Variants in NPTN observed in about 807,000 individuals in gnomAD.
NPTN encodes the protein neuroplastin.
In NPTN, 5 loss-of-function variants were observed where a neutral mutation model predicts 42.7. That is an observed-to-expected ratio of 0.12 (90% CI 0.06 to 0.25). The LOEUF (loss-of-function observed/expected upper bound fraction) is 0.25, where lower values mean the gene tolerates loss of function less well. Ranked by LOEUF, NPTN falls within the 10% of genes least tolerant of loss-of-function variation. The pLI, the probability that NPTN is intolerant of heterozygous loss-of-function variation, is 1.00. For synonymous variants in NPTN, 180 were observed against 201.9 expected, an observed-to-expected ratio of 0.89 and a Z score of 0.92; for missense variants, 307 against 525.4, an observed-to-expected ratio of 0.58 and a Z score of 4.06.
At chr15:73,586,802 T>C (rs930948367) in intron 4 of NPTN, among the ~76,000 whole-genome samples, 19 of 152,258 alleles carry the variant, frequency 1.2e-4, no homozygotes, top group East Asian at 5.8e-4. Flanking sequence ...AGAAAAAACA[T>C]TGGATTGGGG....
chr15:73,616,394 T>C (rs1341988917), intron 1 of NPTN, among the ~76,000 whole-genome samples: 2 of 152,128 alleles, frequency 1.3e-5, no homozygotes, highest in African/African-American at 2.4e-5. Context: ...CAACAAACTT[T>C]CTGCAGCTAA....
At chr15:73,620,571 T>C (rs146945709) in intron 1 of NPTN, among the ~76,000 whole-genome samples, 105 of 152,326 alleles carry the variant, frequency 6.9e-4, no homozygotes, top group African/African-American at 2.4e-3. Context: ...CCGCTTCCTA[T>C]ACCACTTTCA....
At chr15:73,582,795 AT>A (rs1247842797) in intron 4 of NPTN, among the ~76,000 whole-genome samples, 1 of 152,092 alleles carries the variant, frequency 6.6e-6, no homozygotes, top group African/African-American at 2.4e-5. Context: ...ACAAATTGAA[AT>A]TTTCCAATAA....
At chr15:73,604,085 C>A (rs1897184993) in intron 1 of NPTN, among the ~76,000 whole-genome samples, 1 of 152,002 alleles carries the variant, frequency 6.6e-6, no homozygotes, top group South Asian at 2.1e-4. Flanking sequence ...GTTGCCAATT[C>A]CTACTGACAA....
At chr15:73,584,191 T>C (rs1381553033) in intron 4 of NPTN, among the ~76,000 whole-genome samples, 1 of 152,140 alleles carries the variant, frequency 6.6e-6, no homozygotes, top group Non-Finnish European at 1.5e-5. Flanking sequence ...CAAGAGGCAG[T>C]GACATATTTG....
Position 73,629,594 on chromosome 15 carries a change from T to C in NPTN, c.91+3531A>G, listed in dbSNP as rs187536699. Among the ~76,000 whole-genome samples, 3 of 152,198 alleles carry C rather than the reference T, an allele frequency of 2.0e-5. No individual in the cohort carries two copies. The East Asian group carries it at 5.8e-4, about 29-fold the overall frequency. On this transcript the variant is annotated intron_variant, in intron 1 of 8. Transcript: ENST00000345330. ...CCCAAACAAAATGGTTTCTAAAATT[T>C]AGGTCGTTAAAAATAAGATTCATTA... is the stretch of plus-strand genomic sequence containing the variant.
intron 3 of NPTN, among the ~76,000 whole-genome samples, chr15:73,588,905 G>C (rs993484259): frequency 2.6e-5 from 4 of 152,212 alleles, no homozygotes; most frequent in Admixed American, 1.3e-4. Flanking sequence ...CCCATACCGA[G>C]TACCTAGCCT....
At chr15:73,595,343 G>GT (rs963748730) in intron 2 of NPTN, among the ~76,000 whole-genome samples, 2 of 151,230 alleles carry the variant, frequency 1.3e-5, no homozygotes, top group African/African-American at 2.4e-5. Flanking sequence ...TAAAAATATT[G>GT]TTAAAAAAAA....
chr15:73,568,703 T>A, intron 6 of NPTN: 1 of 985,424 alleles, frequency 1.0e-6, no homozygotes, highest in Non-Finnish European at 1.2e-6. Context: ...AAACTAGAGA[T>A]TCATTTGCAG....
At chr15:73,594,061 A>T (rs1896720632) in intron 2 of NPTN, among the ~76,000 whole-genome samples, 1 of 152,186 alleles carries the variant, frequency 6.6e-6, no homozygotes, top group Non-Finnish European at 1.5e-5. Context: ...AAAAGAGAAA[A>T]AGATAGAACC....
At position 73,576,517 on chromosome 15, in the gene NPTN, TG is replaced by T. The variant is rs1164764013; in HGVS notation, c.707-2723del. ...CTAATTTTTGTATTTTTAGTAGAGA[TG>T]GGGTTTCACCATGTTGGCCAGGCTG... On this transcript the variant is annotated intron_variant, in intron 4 of 8. Coordinates refer to ENST00000345330, the MANE Select transcript of NPTN (RefSeq NM_012428.4). 2.6e-5 allele frequency among the ~76,000 whole-genome samples: 4 copies of T among 152,176 alleles called. No individual in the cohort carries two copies. The East Asian group carries it at 7.7e-4, about 29-fold the overall frequency.
intron 4 of NPTN, among the ~76,000 whole-genome samples, chr15:73,579,641 T>A (rs1425581939): frequency 1.3e-4 from 20 of 152,092 alleles, no homozygotes; most frequent in Non-Finnish European, 1.5e-5. Flanking sequence ...AGGAACAGTC[T>A]TCACTCCTGC....
At chr15:73,609,491 CG>C (rs1209215599) in intron 1 of NPTN, among the ~76,000 whole-genome samples, 1 of 152,030 alleles carries the variant, frequency 6.6e-6, no homozygotes, top group African/African-American at 2.4e-5. Context: ...CTTAGCTGGG[CG>C]TGGTGGTGGG....
chr15:73,560,014 C>A lies in NPTN; in HGVS notation c.*1049G>T. ...ATTAGAATAAAGAGTATTATCCAAA[C>A]ACCTTTTATCAATGTTTTATTTTTA... On this transcript the variant is annotated 3_prime_UTR_variant, in exon 9 of 9. Transcript: ENST00000345330. The A allele has an allele frequency of 1.8e-6, 2 of 1,120,180 alleles. No individual in the cohort carries two copies. Among genetic ancestry groups the A allele is most frequent in the Non-Finnish European group, 2.5e-6 (2 of 805,196 alleles). 69.4% of individuals were successfully genotyped at this position (1,120,180 alleles called of 1,614,324 possible).
chr15:73,580,630 TGTATATAC>T (rs965132366), intron 4 of NPTN, among the ~76,000 whole-genome samples: 1 of 146,648 alleles, frequency 6.8e-6, no homozygotes, highest in Non-Finnish European at 1.5e-5. Flanking sequence ...TATGTATATA[TGTATATAC>T]ATGTTATATA....
Position 73,570,204 on chromosome 15 carries a change from C to G in NPTN, c.1060G>C (p.Val354Leu). The change falls in exon 6 of 9, where the codon GTG becomes CTG. Residue 354 changes from valine to leucine, a missense_variant. Coordinates refer to ENST00000345330, the MANE Select transcript of NPTN (RefSeq NM_012428.4). The surrounding 1 kb of genome is among the most constrained non-coding windows in gnomAD (Gnocchi z 4.0). ...LGILAEIIIL[V>L]VIIVVYEKRK... ...TTCTCATACACAACAATGATCACCA[C>G]AAGGATGATAATTTCAGCCAGAATT... 1 of 1,614,100 alleles carries G rather than the reference C, an allele frequency of 6.2e-7. No individual in the cohort carries two copies. The highest frequency in any genetic ancestry group is 8.5e-7 in the Non-Finnish European group (1 of 1,180,002).
At chr15:73,632,950 C>G (rs1270069126) in intron 1 of NPTN, 175 bp downstream of exon 1, 1 of 464,004 alleles carries the variant, frequency 2.2e-6, no homozygotes, top group East Asian at 3.6e-5. Flanking sequence ...CTCCGGTCCT[C>G]ACACCCGCGC....
At position 73,564,658 on chromosome 15, in the gene NPTN, A is replaced by G. The variant is rs115455432; in HGVS notation, c.1115-1401T>C. Among the ~76,000 whole-genome samples, 856 of 152,222 alleles carry G rather than the reference A, an allele frequency of 5.6e-3. 6 individuals carry two copies. Among genetic ancestry groups the G allele is most frequent in the African/African-American group, 0.02 (816 of 41,522 alleles). ...TCTGTGTGCTGTGTATGCAGTGGAG[A>G]GATACAAAGACATACCAGGTACTAA... is the stretch of plus-strand genomic sequence containing the variant. On this transcript the variant is annotated intron_variant, in intron 6 of 8. Transcript: ENST00000345330.
At chr15:73,616,722 A>AG (rs1431529195) in intron 1 of NPTN, among the ~76,000 whole-genome samples, 1 of 152,210 alleles carries the variant, frequency 6.6e-6, no homozygotes, top group Non-Finnish European at 1.5e-5. Context: ...AGTGAGGTAG[A>AG]GAGTCAGGTT....
Sources: gnomAD v4.1 joint callset for allele counts (sites outside exome capture counted in the v4.1 genomes callset) on GRCh38, gnomAD v4.1.1 for gene constraint, Gnocchi (gnomAD v3.1) non-coding constraint, MANE v1.5 for transcripts, NCBI Gene and HGNC (gene_info 2026-07-23, HGNC 2026-07-21) for gene names.